The following BMP6 variants were observed in gnomAD, a reference collection of about 807,000 sequenced individuals.
The protein encoded by BMP6 is bone morphogenetic protein 6, also known as VG-1-R.
BMP6 carries 17 observed loss-of-function variants against 54.1 expected under a neutral mutation model. The ratio of observed to expected loss-of-function variants is 0.31; its 90% confidence interval spans 0.22 to 0.47. BMP6 has a LOEUF of 0.47. Among genes scored for constraint, BMP6 ranks in the 20% least tolerant of loss-of-function variants. The pLI is 1.00. For missense variants in BMP6, 720 were observed against 690.4 expected (o/e 1.04, Z -0.48); for synonymous variants, 328 against 291.2 (o/e 1.13, Z -1.28).
At chr6:7,827,893 A>G (rs1758724614) in intron 1 of BMP6, among the ~76,000 whole-genome samples, 1 of 152,220 alleles carries the variant, frequency 6.6e-6, no homozygotes, top group Admixed American at 6.5e-5. Flanking sequence ...ATTGGCGTCA[A>G]TTTGGGTCTT....
intron 1 of BMP6, among the ~76,000 whole-genome samples, chr6:7,762,877 G>A (rs1021404391): frequency 4.6e-5 from 7 of 152,182 alleles, no homozygotes; most frequent in East Asian, 3.9e-4. Flanking sequence ...TGTTTAAGCC[G>A]CCGTGCGACG....
intron 1 of BMP6, among the ~76,000 whole-genome samples, chr6:7,733,277 T>C (rs533817194): frequency 3.3e-5 from 5 of 152,342 alleles, no homozygotes; most frequent in African/African-American, 1.2e-4. Flanking sequence ...CTTTATTCTA[T>C]TTTTCTTCCT....
At chr6:7,798,810 T>C (rs1057146259) in intron 1 of BMP6, among the ~76,000 whole-genome samples, 1 of 152,224 alleles carries the variant, frequency 6.6e-6, no homozygotes, top group African/African-American at 2.4e-5. Context: ...ACTTAGACTT[T>C]GTAATAACCA....
chr6:7,731,506 T>A (rs1761858019), intron 1 of BMP6, among the ~76,000 whole-genome samples: 1 of 152,226 alleles, frequency 6.6e-6, no homozygotes, highest in South Asian at 2.1e-4. Flanking sequence ...CCCTGTAGGA[T>A]GTCAGCCTCC....
chr6:7,741,291 C>CATT (rs3031753), intron 1 of BMP6, among the ~76,000 whole-genome samples: 8,124 of 151,888 alleles, frequency 0.053, 242 homozygotes, highest in Middle Eastern at 0.075. Context: ...TCTTTATTAT[C>CATT]ATTATTATTA....
intron 4 of BMP6, among the ~76,000 whole-genome samples, chr6:7,875,368 A>T (rs1375237840): frequency 6.6e-6 from 1 of 152,140 alleles, no homozygotes; most frequent in Non-Finnish European, 1.5e-5. Flanking sequence ...ACCTTCACAG[A>T]TACACCCCAA....
chr6:7,855,382 C>T (rs1253950900), intron 2 of BMP6, among the ~76,000 whole-genome samples: 2 of 152,032 alleles, frequency 1.3e-5, no homozygotes, highest in East Asian at 1.9e-4. Flanking sequence ...GGGCAGCAAT[C>T]CATGTGTTAA....
At chr6:7,758,456 G>T (rs1361307163) in intron 1 of BMP6, among the ~76,000 whole-genome samples, 1 of 152,154 alleles carries the variant, frequency 6.6e-6, no homozygotes, top group Non-Finnish European at 1.5e-5. Context: ...CTGGGTTTCT[G>T]TTGGGTCCTT....
intron 1 of BMP6, among the ~76,000 whole-genome samples, chr6:7,794,470 C>T (rs1371525712): frequency 2.0e-5 from 3 of 152,014 alleles, no homozygotes; most frequent in African/African-American, 7.2e-5. Flanking sequence ...TGTGGTGGCT[C>T]ATGCCTTTAG....
At chr6:7,775,869 C>T (rs954704181) in intron 1 of BMP6, among the ~76,000 whole-genome samples, 1 of 152,146 alleles carries the variant, frequency 6.6e-6, no homozygotes, top group African/African-American at 2.4e-5. Flanking sequence ...GGGGTAGCAA[C>T]GAATATACCA....
intron 1 of BMP6, among the ~76,000 whole-genome samples, chr6:7,829,650 GAT>G (rs1174647778): frequency 7.2e-5 from 11 of 152,332 alleles, no homozygotes; most frequent in Admixed American, 6.5e-4. Flanking sequence ...AGGCTGCAGT[GAT>G]CTGTGATTGC....
chr6:7,738,704 C>G (rs1761998699), intron 1 of BMP6, among the ~76,000 whole-genome samples: 1 of 152,178 alleles, frequency 6.6e-6, no homozygotes, highest in Admixed American at 6.5e-5. Context: ...TTTGGTAATG[C>G]AGCTTAATTT....
chr6:7,826,330 G>A (rs1561784073), intron 1 of BMP6, among the ~76,000 whole-genome samples: 1 of 152,144 alleles, frequency 6.6e-6, no homozygotes. Context: ...ATACACCTTT[G>A]ATGTATTGAT....
At chr6:7,740,448 A>G (rs531368372) in intron 1 of BMP6, among the ~76,000 whole-genome samples, 158 of 152,306 alleles carry the variant, frequency 1.0e-3, no homozygotes, top group African/African-American at 3.7e-3. Context: ...GAAAAATGAC[A>G]TGGAAAAAAA....
intron 1 of BMP6, among the ~76,000 whole-genome samples, chr6:7,813,470 A>C (rs1370493082): frequency 1.4e-5 from 2 of 145,586 alleles, no homozygotes. Flanking sequence ...AAAAAAAAAA[A>C]AAAAAAAAAA....
At chr6:7,739,754 C>T (rs1762014544) in intron 1 of BMP6, among the ~76,000 whole-genome samples, 1 of 152,194 alleles carries the variant, frequency 6.6e-6, no homozygotes, top group African/African-American at 2.4e-5. Flanking sequence ...GTCTGACTTC[C>T]ATCCCCATCC....
At position 7,880,576 on chromosome 6, in the gene BMP6, A is replaced by C. The variant is rs1189341342; in HGVS notation, c.*233A>C. On this transcript the variant is annotated 3_prime_UTR_variant, in exon 7 of 7. Coordinates refer to ENST00000283147, the MANE Select transcript of BMP6 (RefSeq NM_001718.6). Reference sequence around the variant, plus strand: ...CAAGCTGAGTTTGGATGTCTGTAGCATAAGGTCTGGTAACTGCAGAAACAT... The same window carrying C: ...CAAGCTGAGTTTGGATGTCTGTAGCCTAAGGTCTGGTAACTGCAGAAACAT... 1.7e-6 allele frequency: 1 copy of C among 580,554 alleles called. No homozygotes were observed. Among genetic ancestry groups the C allele is most frequent in the Non-Finnish European group, 3.0e-6 (1 of 331,556 alleles). The allele number at this position is 580,554 out of a possible 1,614,324, so 36.0% of individuals were successfully genotyped here. A position where few individuals can be genotyped will look rare whatever the true frequency, so the allele number is the denominator to read the frequency against.
intron 1 of BMP6, among the ~76,000 whole-genome samples, chr6:7,728,113 C>T (rs902743135): frequency 2.0e-5 from 3 of 151,990 alleles, no homozygotes; most frequent in Admixed American, 1.3e-4. Flanking sequence ...CCGACAGCGG[C>T]TGGGAACTTT....
At position 7,731,663 on chromosome 6, in the gene BMP6, T is replaced by C. The variant is rs1761861379; in HGVS notation, c.664+4044T>C. ...TTCATATTTCACTGATTTGGAAGAT[T>C]TGATTATTTAGAAAGGGTATACCTG... On this transcript the variant is annotated intron_variant, in intron 1 of 6. Transcript: ENST00000283147. Among the ~76,000 whole-genome samples, 3 of 152,180 alleles carry C rather than the reference T, an allele frequency of 2.0e-5. No individual in the cohort carries two copies. The South Asian group carries it at 6.2e-4, about 31-fold the overall frequency.
Sources: allele counts gnomAD v4.1 joint callset (sites outside exome capture counted in the v4.1 genomes callset), GRCh38; gene constraint gnomAD v4.1.1; transcripts MANE v1.5; gene names NCBI Gene and HGNC (gene_info 2026-07-23, HGNC 2026-07-21).